CLINT1: variants seen among roughly 807,000 people sequenced by gnomAD.
CLINT1 encodes the protein clathrin interacting protein localized in the trans-Golgi region.
CLINT1 carries 15 observed loss-of-function variants against 70.4 expected under a neutral mutation model. The ratio of observed to expected loss-of-function variants is 0.21; its 90% CI spans 0.14 to 0.33. The LOEUF is 0.33. Ranked by LOEUF, CLINT1 falls within the 10% of genes least tolerant of loss-of-function variation. CLINT1 has a pLI of 1.00. For missense variants in CLINT1, 615 were observed against 778.1 expected (o/e 0.79, Z 2.49); for synonymous variants, 227 against 254.7 (o/e 0.89, Z 1.04).
At chr5:157,849,374 T>A (rs1753495710) in intron 1 of CLINT1, among the ~76,000 whole-genome samples, 1 of 152,204 alleles carries the variant, frequency 6.6e-6, no homozygotes, top group Non-Finnish European at 1.5e-5. Flanking sequence ...TATTTTTAAA[T>A]TAAGGTATGT....
chr5:157,847,184 A>G (rs1333057177), intron 1 of CLINT1, among the ~76,000 whole-genome samples: 3 of 152,172 alleles, frequency 2.0e-5, no homozygotes, highest in Non-Finnish European at 2.9e-5. Context: ...AACCTTCTGG[A>G]AAGAATTCAC....
At chr5:157,808,442 T>A (rs1421928943) in intron 6 of CLINT1, among the ~76,000 whole-genome samples, 1 of 152,120 alleles carries the variant, frequency 6.6e-6, no homozygotes, top group Non-Finnish European at 1.5e-5. Flanking sequence ...ACTGTGTTAT[T>A]TAGGCAAGTC....
At chr5:157,809,119 G>A (rs1371052343) in intron 6 of CLINT1, 2 of 152,216 alleles carry the variant, frequency 1.3e-5, no homozygotes, top group Non-Finnish European at 2.9e-5. Context: ...AGCAGCATAT[G>A]TACTAAAACC....
At chr5:157,854,011 A>ACACAAT (rs1753667059) in intron 1 of CLINT1, among the ~76,000 whole-genome samples, 1 of 152,140 alleles carries the variant, frequency 6.6e-6, no homozygotes, top group South Asian at 2.1e-4. Context: ...GAAAAGGAGG[A>ACACAAT]GAATAATTAA....
intron 1 of CLINT1, among the ~76,000 whole-genome samples, chr5:157,857,591 A>C (rs2113351512): frequency 6.6e-6 from 1 of 152,370 alleles, no homozygotes; most frequent in East Asian, 1.9e-4. Flanking sequence ...CTTTATATGC[A>C]ATACAATCCC....
chr5:157,834,302 T>C (rs1270516149), intron 1 of CLINT1, among the ~76,000 whole-genome samples: 4 of 151,616 alleles, frequency 2.6e-5, no homozygotes, highest in East Asian at 1.9e-4. Context: ...GAGGCAGAGG[T>C]TGCAGTAAGC....
At chr5:157,816,686 C>G in intron 3 of CLINT1, 48 bp downstream of exon 3, 1 of 1,317,690 alleles carries the variant, frequency 7.6e-7, no homozygotes, top group South Asian at 1.2e-5. Flanking sequence ...CAATTTCCAG[C>G]ATTTGTTTTC....
intron 7 of CLINT1, among the ~76,000 whole-genome samples, chr5:157,804,037 TAAAAAAAA>T (rs3836883): frequency 1.9e-4 from 25 of 131,348 alleles, no homozygotes; most frequent in African/African-American, 6.6e-4. Context: ...ATCAGTTCAT[TAAAAAAAA>T]AAAAAAAAAA....
intron 1 of CLINT1, among the ~76,000 whole-genome samples, chr5:157,820,124 C>A (rs966799340): frequency 1.4e-4 from 22 of 152,036 alleles, no homozygotes; most frequent in African/African-American, 4.1e-4. Flanking sequence ...AATAACAGAA[C>A]GCTTACACAA....
intron 8 of CLINT1, among the ~76,000 whole-genome samples, chr5:157,798,864 A>G (rs1411184063): frequency 3.3e-5 from 5 of 152,138 alleles, no homozygotes; most frequent in Admixed American, 6.5e-5. Context: ...TGGCTAAATT[A>G]TAATATAGCC....
intron 1 of CLINT1, among the ~76,000 whole-genome samples, chr5:157,839,498 G>C (rs1763541650): frequency 6.6e-6 from 1 of 151,986 alleles, no homozygotes; most frequent in African/African-American, 2.4e-5. Flanking sequence ...CCAGCTACTT[G>C]AGAGGCTGAG....
In CLINT1 at chr5:157,787,780, T is replaced by G; in HGVS notation, c.1744A>C (p.Asn582His). The G allele has an allele frequency of 6.2e-7, 1 of 1,614,022 alleles. No homozygotes were observed. Among genetic ancestry groups the G allele is most frequent in the Non-Finnish European group, 8.5e-7 (1 of 1,179,874 alleles). The stretch of plus-strand genomic sequence containing the variant: ...ATCCCAGCAGCGGACATCCCTATGT[T>G]CATGTTCATGCCCATCATGCTCTGG... ...MNQSMMGMNM[N>H]IGMSAAGMGL... The change falls in exon 12 of 12, where the codon AAC becomes CAC. Residue 582 changes from asparagine (N) to histidine (H), a missense_variant. By Grantham distance (68) the Asn-to-His change is moderately conservative (BLOSUM62 1). Coordinates refer to ENST00000411809, the MANE Select transcript of CLINT1 (RefSeq NM_014666.4).
intron 1 of CLINT1, among the ~76,000 whole-genome samples, chr5:157,824,689 G>C (rs1263408282): frequency 6.6e-6 from 1 of 152,212 alleles, no homozygotes; most frequent in Middle Eastern, 3.4e-3. Flanking sequence ...ATAAAATAAA[G>C]TTTGGAAAAG....
intron 8 of CLINT1, among the ~76,000 whole-genome samples, chr5:157,801,189 C>T (rs1021522377): frequency 4.6e-5 from 7 of 152,114 alleles, no homozygotes; most frequent in East Asian, 1.9e-4. Flanking sequence ...TACAGAAAAA[C>T]GGGAAAGGGA....
At position 157,805,863 on chromosome 5, in the gene CLINT1, C is replaced by T; in HGVS notation, c.942+3G>A. ...ATAATGTGTAAACTACTGCCATTCCCACCTTAACTGAAGACTGAGGTGTGT... is the reference window on the plus strand; with the variant it reads ...ATAATGTGTAAACTACTGCCATTCCTACCTTAACTGAAGACTGAGGTGTGT... On this transcript the variant is annotated splice_donor_region_variant and intron_variant, in intron 7 of 11. Coordinates refer to ENST00000411809, the MANE Select transcript of CLINT1 (RefSeq NM_014666.4). The T allele has an allele frequency of 6.2e-7, 1 of 1,613,900 alleles. No homozygotes were observed. The highest frequency in any genetic ancestry group is 1.3e-5 in the African/African-American group (1 of 75,028).
chr5:157,853,026 A>T (rs1468835286), intron 1 of CLINT1, among the ~76,000 whole-genome samples: 1 of 152,274 alleles, frequency 6.6e-6, no homozygotes, highest in African/African-American at 2.4e-5. Flanking sequence ...ATTAAAACAA[A>T]CATTGGAAAC....
At chr5:157,800,539 TTATG>T (rs1471376247) in intron 8 of CLINT1, among the ~76,000 whole-genome samples, 1 of 152,138 alleles carries the variant, frequency 6.6e-6, no homozygotes, top group African/African-American at 2.4e-5. Context: ...GTAACTAAAT[TTATG>T]TACTGATTGA....
chr5:157,796,487 T>C (rs1486567178), intron 8 of CLINT1, among the ~76,000 whole-genome samples: 1 of 152,188 alleles, frequency 6.6e-6, no homozygotes. Context: ...ACCTTAGAAG[T>C]CTACAGCAGT....
At chr5:157,798,870 T>A (rs911618476) in intron 8 of CLINT1, among the ~76,000 whole-genome samples, 45 of 152,194 alleles carry the variant, frequency 3.0e-4, no homozygotes, top group African/African-American at 1.1e-3. Flanking sequence ...AATTATAATA[T>A]AGCCACCCAA....
Sources: allele counts gnomAD v4.1 joint callset (sites outside exome capture counted in the v4.1 genomes callset), GRCh38; gene constraint gnomAD v4.1.1; transcripts MANE v1.5; gene names NCBI Gene and HGNC (gene_info 2026-07-23, HGNC 2026-07-21).